Variants in ANKS1B observed in about 807,000 individuals in gnomAD.
ANKS1B encodes the protein ankyrin repeat and sterile alpha motif domain containing 1B.
In ANKS1B, 36 loss-of-function variants were observed where a neutral mutation model predicts 148.3. The ratio of observed to expected loss-of-function variants is 0.24; its 90% confidence interval spans 0.19 to 0.32. The LOEUF (loss-of-function observed/expected upper bound fraction) is 0.32, where lower values mean the gene tolerates loss of function less well. ANKS1B is among the 10% of genes least tolerant of loss of function. The pLI, the probability that ANKS1B is intolerant of heterozygous loss-of-function variation, is 1.00. For missense variants in ANKS1B, 1,157 were observed against 1,542.6 expected, an observed-to-expected ratio of 0.75 and a Z score of 4.19; for synonymous variants, 542 against 560.8, an observed-to-expected ratio of 0.97 and a Z score of 0.47.
At chr12:98,771,351 T>A (rs74337302) in intron 25 of ANKS1B, among the ~76,000 whole-genome samples, 1 of 151,420 alleles carries the variant, frequency 6.6e-6, no homozygotes, top group African/African-American at 2.4e-5. Context: ...TTTTTTTTTT[T>A]AATAGGGACA....
chr12:98,765,953 A>C (rs765492079), intron 25 of ANKS1B, among the ~76,000 whole-genome samples: 1 of 152,196 alleles, frequency 6.6e-6, no homozygotes, highest in Non-Finnish European at 1.5e-5. Context: ...TCAAAACCAG[A>C]CTGATTCTAA....
At chr12:99,174,546 C>T (rs1211210966) in intron 14 of ANKS1B, among the ~76,000 whole-genome samples, 1 of 152,070 alleles carries the variant, frequency 6.6e-6, no homozygotes, top group East Asian at 1.9e-4. Flanking sequence ...AAGTTAGGGT[C>T]TCTCTCCCTC....
At chr12:98,898,694 AT>A (rs2099768144) in intron 17 of ANKS1B, among the ~76,000 whole-genome samples, 1 of 152,186 alleles carries the variant, frequency 6.6e-6, no homozygotes, top group South Asian at 2.1e-4. Context: ...AAAACAGATA[AT>A]ATATAGTCTG....
In ANKS1B at chr12:99,754,024, AAAAATAAAAT is replaced by A. The variant is rs576080568; in HGVS notation, c.1128+18888_1128+18897del. Among the ~76,000 whole-genome samples, 646 of 152,130 alleles carry A rather than the reference AAAAATAAAAT, an allele frequency of 4.2e-3. 4 individuals carry two copies. Among genetic ancestry groups the A allele is most frequent in the African/African-American group, 0.015 (614 of 41,514 alleles). ...GGCAACAAGAGCAAAACTCCATCTCAAAAATAAAATAAAATAAAATAAAAGACACAAAGTG... is the reference window on the plus strand; with the variant it reads ...GGCAACAAGAGCAAAACTCCATCTCAAAAATAAAATAAAAGACACAAAGTG... On this transcript the variant is annotated intron_variant, in intron 8 of 26. Transcript: ENST00000683438.
At chr12:99,053,625 A>G (rs1380611922) in intron 16 of ANKS1B, among the ~76,000 whole-genome samples, 1 of 152,222 alleles carries the variant, frequency 6.6e-6, no homozygotes, top group African/African-American at 2.4e-5. Context: ...ATTAAAAATG[A>G]TGTCAGTTGA....
chr12:99,383,088 A>G (rs1177873257), intron 12 of ANKS1B, among the ~76,000 whole-genome samples: 1 of 152,172 alleles, frequency 6.6e-6, no homozygotes, highest in Non-Finnish European at 1.5e-5. Context: ...CTTACCTGTA[A>G]CAACTAGTTT....
Position 99,390,139 on chromosome 12 carries a change from A to G in ANKS1B, c.1756+9492T>C, listed in dbSNP as rs12578453. On this transcript the variant is annotated intron_variant, in intron 12 of 26. Coordinates refer to ENST00000683438, the MANE Select transcript of ANKS1B (RefSeq NM_001352186.2). ...ATAACAGCAATAAAAAAGTAATAAT[A>G]CCCACATGTATTAAGCATTTATGAA... 3.8e-3 allele frequency among the ~76,000 whole-genome samples: 586 copies of G among 152,214 alleles called. 37 individuals are homozygous for G. The East Asian group carries it at 0.087, about 23-fold the overall frequency.
chr12:99,735,807 CAAAA>C (rs376398944), intron 8 of ANKS1B, among the ~76,000 whole-genome samples: 11 of 108,952 alleles, frequency 1.0e-4, no homozygotes, highest in Non-Finnish European at 1.7e-4. Context: ...GGACATATAC[CAAAA>C]AAAAAAAAAA....
intron 12 of ANKS1B, among the ~76,000 whole-genome samples, chr12:99,340,219 CT>C (rs2089670011): frequency 6.6e-6 from 1 of 152,120 alleles, no homozygotes; most frequent in Non-Finnish European, 1.5e-5. Flanking sequence ...CCATTTAAGT[CT>C]TTCACTTGGC....
chr12:98,790,657 A>C (rs1199991878), intron 22 of ANKS1B, among the ~76,000 whole-genome samples: 2 of 151,564 alleles, frequency 1.3e-5, no homozygotes, highest in Non-Finnish European at 2.9e-5. Context: ...AGATGCTTTC[A>C]CTTAGAAAGT....
At chr12:98,990,566 GAA>G (rs146384725) in intron 17 of ANKS1B, among the ~76,000 whole-genome samples, 18 of 116,982 alleles carry the variant, frequency 1.5e-4, no homozygotes, top group African/African-American at 4.2e-4. Flanking sequence ...GAGAGAGAGA[GAA>G]AAAAAAAAAA....
chr12:98,944,661 C>G (rs949160096), intron 17 of ANKS1B, among the ~76,000 whole-genome samples: 1 of 152,192 alleles, frequency 6.6e-6, no homozygotes, highest in African/African-American at 2.4e-5. Flanking sequence ...TGTCTGTCCC[C>G]TCACTGCCCC....
chr12:99,677,241 C>T (rs1374398998), intron 8 of ANKS1B, among the ~76,000 whole-genome samples: 1 of 152,180 alleles, frequency 6.6e-6, no homozygotes, highest in Admixed American at 6.5e-5. Flanking sequence ...TCCTGCTCCA[C>T]AGAGGTGTGA....
chr12:98,834,574 G>C (rs1595033410), intron 17 of ANKS1B, among the ~76,000 whole-genome samples: 1 of 152,244 alleles, frequency 6.6e-6, no homozygotes, highest in East Asian at 1.9e-4. Context: ...CCAGGCAGAA[G>C]CCCATCTGCC....
chr12:98,745,626 C>T lies in ANKS1B; in HGVS notation c.*113G>A. The T allele has an allele frequency of 9.5e-6, 14 of 1,471,900 alleles. No individual in the cohort carries two copies. Among genetic ancestry groups the T allele is most frequent in the Non-Finnish European group, 1.3e-5 (14 of 1,110,262 alleles). 91.2% of individuals were successfully genotyped at this position (1,471,900 alleles called of 1,614,324 possible). ...TGGCCTTTCGCCCGTAACAAGGCCGCACGCTCAGAGCAGTCTTCCTCCTGG... is the reference window on the plus strand; with the variant it reads ...TGGCCTTTCGCCCGTAACAAGGCCGTACGCTCAGAGCAGTCTTCCTCCTGG... On this transcript the variant is annotated 3_prime_UTR_variant, in exon 27 of 27. Coordinates refer to ENST00000683438, the MANE Select transcript of ANKS1B (RefSeq NM_001352186.2).
rs558339470 is a variant in ANKS1B, at chr12:98,803,493, T to C, written c.3142-2368A>G. ...GAAGTTTGCATGCAACTCCGTGGAA[T>C]GATACAAAAGGAGGATCTGGATGGC... On this transcript the variant is annotated intron_variant, in intron 20 of 26. Transcript: ENST00000683438. Among the ~76,000 whole-genome samples the C allele has an allele frequency of 3.9e-5, 6 of 152,314 alleles. No individual in the cohort carries two copies. In the East Asian group the frequency reaches 1.2e-3, roughly 29 times the overall value.
intron 10 of ANKS1B, among the ~76,000 whole-genome samples, chr12:99,456,920 A>G (rs2095856661): frequency 6.6e-6 from 1 of 152,134 alleles, no homozygotes; most frequent in Non-Finnish European, 1.5e-5. Context: ...AAGCTCAAAA[A>G]ACACCTGGGA....
intron 14 of ANKS1B, among the ~76,000 whole-genome samples, chr12:99,197,847 C>T (rs909168904): frequency 7.9e-5 from 12 of 152,096 alleles, no homozygotes; most frequent in African/African-American, 2.2e-4. Flanking sequence ...TATTACAGAA[C>T]TGAAAGATAA....
intron 12 of ANKS1B, among the ~76,000 whole-genome samples, chr12:99,299,427 T>A (rs1256443215): frequency 3.3e-5 from 5 of 152,218 alleles, no homozygotes; most frequent in Non-Finnish European, 7.3e-5. Context: ...GTCAATATCA[T>A]GAAATAAAGG....
Sources: gnomAD v4.1 joint callset for allele counts (sites outside exome capture counted in the v4.1 genomes callset) on GRCh38, gnomAD v4.1.1 for gene constraint, MANE v1.5 for transcripts, NCBI Gene and HGNC (gene_info 2026-07-23, HGNC 2026-07-21) for gene names.